MEI1: variants seen among roughly 807,000 people sequenced by gnomAD.
MEI1 encodes meiotic double-stranded break formation protein 1.
In MEI1, 103 loss-of-function variants were observed where a neutral mutation model predicts 146.2. The ratio of observed to expected loss-of-function variants is 0.70; its 90% CI spans 0.60 to 0.83. The LOEUF (loss-of-function observed/expected upper bound fraction) is 0.83. Ranked by LOEUF, MEI1 falls within the 40% of genes least tolerant of loss-of-function variation. MEI1 has a pLI of 0.00. For missense variants in MEI1, 1,529 were observed against 1,533.0 expected (o/e 1.00, Z 0.04); for synonymous variants, 652 against 628.2 (o/e 1.04, Z -0.57).
chr22:41,702,159 T>G lies in MEI1; in HGVS notation c.175-1172T>G, dbSNP rs188852466. Among the ~76,000 whole-genome samples, 271 of 152,342 alleles carry G rather than the reference T, an allele frequency of 1.8e-3. 3 individuals carry two copies. The highest frequency in any genetic ancestry group is 3.0e-3 in the Non-Finnish European group (205 of 68,030). On this transcript the variant is annotated intron_variant, in intron 1 of 30. Coordinates refer to ENST00000401548, the MANE Select transcript of MEI1 (RefSeq NM_152513.4). ...CCTTTTATTGAGCACACTTTTCTTT[T>G]GAGATGGTTTCGCTCTCGTTGCCCA...
At chr22:41,727,043 ACTC>A (rs2071418281) in intron 7 of MEI1, among the ~76,000 whole-genome samples, 2 of 149,160 alleles carry the variant, frequency 1.3e-5, no homozygotes. Context: ...TAATTTCTAA[ACTC>A]CTTTATATAC....
In MEI1 at chr22:41,745,940, C is replaced by T; in HGVS notation, c.1594C>T (p.Pro532Ser). Residue 532 changes from proline (P) to serine (S), a missense_variant, in exon 14 of 31, where the codon CCC becomes TCC. Physicochemically the swap from Pro to Ser is moderately conservative, Grantham distance 74 (BLOSUM62 -1). Coordinates refer to ENST00000401548, the MANE Select transcript of MEI1 (RefSeq NM_152513.4). ...PSAQENPFTAPSAKKEDTLEA... is the reference protein window; with the variant it reads ...PSAQENPFTASSAKKEDTLEA... ...AGCCCAGGAGAATCCATTCACAGCT[C>T]CCAGCGCCAAGAAGGAAGACACCTT... 6.2e-7 allele frequency: 1 copy of T among 1,613,534 alleles called. No homozygotes were observed. Among genetic ancestry groups the T allele is most frequent in the Non-Finnish European group, 8.5e-7 (1 of 1,179,584 alleles).
intron 6 of MEI1, among the ~76,000 whole-genome samples, chr22:41,723,262 G>T (rs1004893493): frequency 6.6e-6 from 1 of 151,932 alleles, no homozygotes; most frequent in African/African-American, 2.4e-5. Context: ...ACCCAGGGTG[G>T]AGTACAGTGA....
intron 15 of MEI1, among the ~76,000 whole-genome samples, chr22:41,748,960 G>A (rs1380825145): frequency 2.6e-5 from 4 of 151,964 alleles, no homozygotes; most frequent in East Asian, 1.9e-4. Context: ...CCGCCACCAC[G>A]CCCGGCTAAT....
chr22:41,721,228 AC>A, intron 6 of MEI1, among the ~76,000 whole-genome samples: 1 of 117,288 alleles, frequency 8.5e-6, no homozygotes, highest in East Asian at 2.4e-4. Context: ...GTTAGCCACC[AC>A]GCCCGTTCTT....
chr22:41,781,163 G>T (rs771235571), intron 22 of MEI1, 121 bp from the exon 23 acceptor site: 2 of 686,140 alleles, frequency 2.9e-6, no homozygotes, highest in East Asian at 2.7e-5. Flanking sequence ...GTAATATCAG[G>T]GATACTTAGT....
intron 24 of MEI1, among the ~76,000 whole-genome samples, chr22:41,782,728 A>T (rs576270009): frequency 3.2e-4 from 49 of 152,332 alleles, no homozygotes; most frequent in Non-Finnish European, 5.6e-4. Flanking sequence ...TTTAGGACAG[A>T]AACCTTTCCT....
In MEI1 at chr22:41,745,078, T is replaced by G; in HGVS notation, c.1538+14T>G. On this transcript the variant is annotated intron_variant, in intron 13 of 30. Transcript: ENST00000401548. ...AAGTGCCTGCAGGTGAGGGGCCCTC[T>G]GAGGTATGAAGTAATAGCATGGAAG... The G allele has an allele frequency of 6.6e-7, 1 of 1,514,882 alleles. No homozygotes were observed. Among genetic ancestry groups the G allele is most frequent in the Non-Finnish European group, 8.9e-7 (1 of 1,126,148 alleles). 93.8% of individuals were successfully genotyped at this position (1,514,882 alleles called of 1,614,324 possible).
At chr22:41,707,792 A>G (rs1354398495) in intron 3 of MEI1, among the ~76,000 whole-genome samples, 1 of 152,230 alleles carries the variant, frequency 6.6e-6, no homozygotes, top group Admixed American at 6.5e-5. Flanking sequence ...ATCTCTTTCT[A>G]GTGCTCATTA....
intron 1 of MEI1, among the ~76,000 whole-genome samples, chr22:41,702,753 CA>C (rs1305818527): frequency 2.0e-5 from 3 of 151,388 alleles, no homozygotes; most frequent in Non-Finnish European, 4.4e-5. Context: ...CCTCTGAACA[CA>C]CTTTTCTTTT....
chr22:41,699,617 G>C lies in MEI1; in HGVS notation c.79G>C (p.Ala27Pro). The C allele has an allele frequency of 6.2e-7, 1 of 1,611,944 alleles. No homozygotes were observed. Among genetic ancestry groups the C allele is most frequent in the Middle Eastern group, 1.7e-4 (1 of 5,946 alleles). ...EEEAALLFER[A>P]HYRHDPRWLL... ...AGAGGCGGCGCTTCTATTCGAGAGG[G>C]CCCATTACCGGCACGACCCGCGCTG... is the stretch of plus-strand genomic sequence containing the variant. The change falls in exon 1 of 31, where the codon GCC (alanine) becomes CCC (proline). Residue 27 changes from alanine (A) to proline (P), a missense_variant. This residue lies in a region of MEI1 where 1,212 missense variants were observed against 1,178.9 expected (regional missense o/e 1.03). Transcript: ENST00000401548.
At chr22:41,738,527 C>T (rs1480659346) in intron 11 of MEI1, among the ~76,000 whole-genome samples, 1 of 152,064 alleles carries the variant, frequency 6.6e-6, no homozygotes, top group Non-Finnish European at 1.5e-5. Context: ...GCGGAGGTTG[C>T]AGTGAGCCGA....
At chr22:41,740,259 C>T (rs890397548) in intron 11 of MEI1, among the ~76,000 whole-genome samples, 2 of 152,056 alleles carry the variant, frequency 1.3e-5, no homozygotes, top group Non-Finnish European at 2.9e-5. Context: ...ACCTTGTGAT[C>T]TGCCTGCCTC....
intron 3 of MEI1, among the ~76,000 whole-genome samples, chr22:41,713,576 T>G (rs2069809196): frequency 6.6e-6 from 1 of 152,194 alleles, no homozygotes; most frequent in African/African-American, 2.4e-5. Flanking sequence ...AGACAGAGTT[T>G]TTGCTCTCGT....
chr22:41,752,678 G>C, intron 16 of MEI1, 27 bp downstream of exon 16: 4 of 1,573,004 alleles, frequency 2.5e-6, no homozygotes, highest in Non-Finnish European at 3.5e-6. Flanking sequence ...GCAAGATTGA[G>C]TGGCCAAGGG....
At chr22:41,764,878 T>G (rs1279885418) in intron 19 of MEI1, among the ~76,000 whole-genome samples, 1 of 152,222 alleles carries the variant, frequency 6.6e-6, no homozygotes, top group Non-Finnish European at 1.5e-5. Context: ...AAGTCTGAGC[T>G]GGAGTCCGAC....
chr22:41,703,457 A>G lies in MEI1; in HGVS notation c.298+3A>G. 1 of 1,572,338 alleles carries G rather than the reference A, an allele frequency of 6.4e-7. No homozygotes were observed. Among genetic ancestry groups the G allele is most frequent in the Non-Finnish European group, 8.6e-7 (1 of 1,158,240 alleles). ...CCACTTCATAAGTGTGCTTTTTGGTAAGATTAAGAGGGAAATTTGACATGA... is the reference window on the plus strand; with the variant it reads ...CCACTTCATAAGTGTGCTTTTTGGTGAGATTAAGAGGGAAATTTGACATGA... On this transcript the variant is annotated splice_donor_region_variant and intron_variant, in intron 2 of 30. Transcript: ENST00000401548.
At chr22:41,703,521 C>G in intron 2 of MEI1, 67 bp downstream of exon 2, 5 of 1,361,108 alleles carry the variant, frequency 3.7e-6, no homozygotes, top group Non-Finnish European at 4.8e-6. Flanking sequence ...TTTTGGGGCT[C>G]TTGGAAAAAT....
chr22:41,720,597 A>T (rs1436362307), intron 6 of MEI1, among the ~76,000 whole-genome samples: 1 of 124,846 alleles, frequency 8.0e-6, no homozygotes, highest in East Asian at 2.4e-4. Context: ...GCCTGGCTCA[A>T]TTTTTTTTTT....
Sources: allele counts gnomAD v4.1 joint callset (sites outside exome capture counted in the v4.1 genomes callset), GRCh38; gene constraint gnomAD v4.1.1; regional missense constraint gnomAD v4.1.1; transcripts MANE v1.5; gene names NCBI Gene and HGNC (gene_info 2026-07-23, HGNC 2026-07-21).